Variants in GPAM observed in about 807,000 individuals in gnomAD.
GPAM encodes the protein glycerol-3-phosphate acyltransferase, mitochondrial.
In GPAM, 56 loss-of-function variants were observed where a neutral mutation model predicts 105.0. That is an observed-to-expected ratio of 0.53 (90% confidence interval 0.43 to 0.67). GPAM has a LOEUF of 0.67. Among genes scored for constraint, GPAM ranks in the 30% least tolerant of loss-of-function variants. The pLI is 0.00. For synonymous variants in GPAM, 368 were observed against 354.4 expected, an observed-to-expected ratio of 1.04 and a Z score of -0.43; for missense variants, 855 against 989.8, an observed-to-expected ratio of 0.86 and a Z score of 1.83.
chr10:112,199,752 G>C (rs777447979), intron 1 of GPAM, among the ~76,000 whole-genome samples: 5 of 152,116 alleles, frequency 3.3e-5, no homozygotes, highest in Admixed American at 6.6e-5. Context: ...CACATCTTAC[G>C]TGGCAGCAGG....
chr10:112,215,754 C>T (rs1410361375), upstream of GPAM, among the ~76,000 whole-genome samples: 1 of 151,984 alleles, frequency 6.6e-6, no homozygotes, highest in African/African-American at 2.4e-5. Context: ...TGGGGCTGAG[C>T]GGGGCTGGGG....
At chr10:112,182,129 A>C (rs1847520527) in intron 2 of GPAM, among the ~76,000 whole-genome samples, 1 of 152,214 alleles carries the variant, frequency 6.6e-6, no homozygotes, top group Admixed American at 6.5e-5. Context: ...ATAGTATGCA[A>C]ACAAAATAGT....
At chr10:112,187,523 T>C (rs144506620), upstream of GPAM, among the ~76,000 whole-genome samples, 3,849 of 152,278 alleles carry the variant, frequency 0.025, 171 homozygotes, top group African/African-American at 0.087. Context: ...ATTCTACATA[T>C]TTATTCCTCT....
rs1407698737 is a variant in GPAM at position 112,152,031 on chromosome 10, G to A, written c.*1519C>T. ...TTTCAAACATGGTATTTCATACAAT[G>A]TGAAATATCAATCAGCATCCCTCCC... is the stretch of plus-strand genomic sequence containing the variant. On this transcript the variant is annotated 3_prime_UTR_variant, in exon 22 of 22. Coordinates refer to ENST00000348367, the MANE Select transcript of GPAM (RefSeq NM_001244949.2). 2.1e-6 allele frequency: 2 copies of A among 969,262 alleles called. No homozygotes were observed. The highest frequency in any genetic ancestry group is 2.5e-6 in the Non-Finnish European group (2 of 815,342). The allele number at this position is 969,262 out of a possible 1,614,324, so 60.0% of individuals were successfully genotyped here.
chr10:112,181,706 A>G lies in GPAM; in HGVS notation c.79T>C (p.Cys27Arg). The G allele has an allele frequency of 1.2e-6, 2 of 1,604,146 alleles. No homozygotes were observed. Among genetic ancestry groups the G allele is most frequent in the South Asian group, 1.1e-5 (1 of 90,880 alleles). Residue 27 changes from cysteine (C) to arginine (R), a missense_variant, in exon 3 of 22, where the codon TGT (cysteine) becomes CGT (arginine). Cys to Arg is a radical substitution (Grantham distance 180, BLOSUM62 -3). Coordinates refer to ENST00000348367, the MANE Select transcript of GPAM (RefSeq NM_001244949.2). Reference sequence around the variant, plus strand: ...ACCCATTCCTCACTTGTGTGCTTACATCGACCAACACTGTATTCTGATGAA... The same window carrying G: ...ACCCATTCCTCACTTGTGTGCTTACGTCGACCAACACTGTATTCTGATGAA... ...PHSSEYSVGR[C>R]KHTSEEWGEC...
chr10:112,215,846 G>A (rs1732503374), upstream of GPAM, among the ~76,000 whole-genome samples: 1 of 152,188 alleles, frequency 6.6e-6, no homozygotes, highest in African/African-American at 2.4e-5. Context: ...AGATGTTGGA[G>A]ATGCTTTATG....
intron 1 of GPAM, among the ~76,000 whole-genome samples, chr10:112,199,458 C>G (rs963199773): frequency 6.6e-6 from 1 of 152,070 alleles, no homozygotes; most frequent in African/African-American, 2.4e-5. Context: ...GAGTAAGTTC[C>G]TGGAGATCTC....
chr10:112,185,653 T>G (rs1197416549), upstream of GPAM, among the ~76,000 whole-genome samples: 1 of 137,136 alleles, frequency 7.3e-6, no homozygotes, highest in South Asian at 2.3e-4. Flanking sequence ...AAAGAAACAG[T>G]AAAAAACCTG....
chr10:112,168,747 T>C (rs1847262446), intron 10 of GPAM, 106 bp downstream of exon 10: 1 of 817,902 alleles, frequency 1.2e-6, no homozygotes. Flanking sequence ...ATCACTCCAG[T>C]TACTCAAAGA....
At chr10:112,157,501 T>C in intron 18 of GPAM, 112 bp from the exon 19 acceptor site, 3 of 944,730 alleles carry the variant, frequency 3.2e-6, no homozygotes, top group Non-Finnish European at 5.0e-6. Context: ...GGCTCTTCTC[T>C]GTTTAGCCAC....
chr10:112,179,102 A>G (rs1453107197), intron 4 of GPAM, among the ~76,000 whole-genome samples: 2 of 152,262 alleles, frequency 1.3e-5, no homozygotes, highest in African/African-American at 4.8e-5. Flanking sequence ...GATTTCAGAG[A>G]AAAGATAGCA....
intron 1 of GPAM, among the ~76,000 whole-genome samples, chr10:112,212,272 C>A (rs1164398772): frequency 6.6e-6 from 1 of 151,284 alleles, no homozygotes; most frequent in Non-Finnish European, 1.5e-5. Flanking sequence ...TTCGCTGTTA[C>A]TTTTTTTTTA....
At chr10:112,218,464 G>A (rs1460858837), upstream of GPAM, among the ~76,000 whole-genome samples, 7 of 152,116 alleles carry the variant, frequency 4.6e-5, no homozygotes, top group African/African-American at 9.7e-5. Flanking sequence ...AGGGAGATGC[G>A]CTGGGTAGGA....
At chr10:112,201,699 A>G (rs1847798766) in intron 1 of GPAM, among the ~76,000 whole-genome samples, 1 of 151,974 alleles carries the variant, frequency 6.6e-6, no homozygotes, top group African/African-American at 2.4e-5. Flanking sequence ...TATTTATTTT[A>G]TTTATAGCAC....
chr10:112,166,371 T>G, intron 12 of GPAM, 31 bp downstream of exon 12: 1 of 1,195,534 alleles, frequency 8.4e-7, no homozygotes, highest in Middle Eastern at 1.9e-4. Flanking sequence ...GGTAGATGCT[T>G]CAACATGGTT....
chr10:112,159,387 AT>A (rs1040508409), intron 17 of GPAM, among the ~76,000 whole-genome samples: 5 of 150,198 alleles, frequency 3.3e-5, no homozygotes, highest in Admixed American at 6.6e-5. Context: ...CACCTGGCTA[AT>A]TTTTTTTTGT....
chr10:112,210,465 T>C (rs1847898976), intron 1 of GPAM, among the ~76,000 whole-genome samples: 1 of 152,138 alleles, frequency 6.6e-6, no homozygotes, highest in Non-Finnish European at 1.5e-5. Context: ...AAAACACCAA[T>C]GCCCTGGGAG....
chr10:112,223,414 G>A, the GPAM span, among the ~76,000 whole-genome samples: 1 of 152,160 alleles, frequency 6.6e-6, no homozygotes, highest in Non-Finnish European at 1.5e-5. Flanking sequence ...TAAATATGTG[G>A]TGTGTAACTC....
At chr10:112,165,496 C>G (rs1394604061) in intron 12 of GPAM, among the ~76,000 whole-genome samples, 4 of 152,300 alleles carry the variant, frequency 2.6e-5, no homozygotes, top group African/African-American at 9.6e-5. Flanking sequence ...TTGAGGCCAG[C>G]CTGGCCAACA....
Sources: allele counts gnomAD v4.1 joint callset (sites outside exome capture counted in the v4.1 genomes callset), GRCh38; gene constraint gnomAD v4.1.1; transcripts MANE v1.5; gene names NCBI Gene and HGNC (gene_info 2026-07-23, HGNC 2026-07-21).